The following ATAD3B variants were observed in gnomAD, a reference collection of about 807,000 sequenced individuals.
ATAD3B encodes the protein ATPase family AAA domain-containing protein 3B.
ATAD3B carries 59 observed loss-of-function variants against 70.2 expected under a neutral mutation model. The ratio of observed to expected loss-of-function variants is 0.84; its 90% CI spans 0.68 to 1.04. The LOEUF (loss-of-function observed/expected upper bound fraction) is 1.04. ATAD3B is among the 50% of genes least tolerant of loss of function. The probability of loss-of-function intolerance (pLI) is 0.00; values close to 1 mark genes in which losing one functional copy is unlikely to be tolerated. For synonymous variants in ATAD3B, 423 were observed against 388.6 expected (o/e 1.09, Z -1.04); for missense variants, 961 against 913.4 (o/e 1.05, Z -0.67).
intron 7 of ATAD3B, chr1:1,484,655 T>A (rs908547533): frequency 1.5e-5 from 4 of 258,718 alleles, no homozygotes; most frequent in African/African-American, 2.2e-5. Context: ...TTTGGGTTAG[T>A]CTTGTTTTCC....
downstream of ATAD3B, among the ~76,000 whole-genome samples, chr1:1,500,437 A>G (rs1400468192): frequency 1.3e-5 from 2 of 148,698 alleles, no homozygotes; most frequent in Non-Finnish European, 3.0e-5. Flanking sequence ...CTGTAGTCCC[A>G]GCTACTCAGG....
chr1:1,477,416 G>C, intron 2 of ATAD3B, 66 bp downstream of exon 2: 4 of 1,607,094 alleles, frequency 2.5e-6, no homozygotes, highest in Non-Finnish European at 2.5e-6. Flanking sequence ...GAGATTGGTG[G>C]GGCTGCTACT....
At chr1:1,472,752 G>T (rs1639395130) in intron 1 of ATAD3B, among the ~76,000 whole-genome samples, 1 of 152,042 alleles carries the variant, frequency 6.6e-6, no homozygotes, top group Non-Finnish European at 1.5e-5. Flanking sequence ...AGTTCAAATG[G>T]CTAGGAGTCT....
chr1:1,490,452 A>T (rs373706204), intron 14 of ATAD3B, 28 bp downstream of exon 14: 6 of 1,612,574 alleles, frequency 3.7e-6, no homozygotes, highest in Non-Finnish European at 5.1e-6. Context: ...CCCGGCCCCC[A>T]ATCCAGGCAC....
At chr1:1,483,048 A>G in intron 7 of ATAD3B, 1 of 455,624 alleles carries the variant, frequency 2.2e-6, no homozygotes, top group Non-Finnish European at 4.4e-6. Flanking sequence ...TAATCCCAGC[A>G]TTTTCGGAGG....
intron 12 of ATAD3B, 131 bp downstream of exon 12, chr1:1,488,045 C>T (rs1640330328): frequency 2.3e-6 from 3 of 1,321,514 alleles, no homozygotes; most frequent in Non-Finnish European, 3.2e-6. Flanking sequence ...ACCTCTGCCT[C>T]CTGGGTTCAA....
At chr1:1,501,782 G>A (rs746091177), downstream of ATAD3B, among the ~76,000 whole-genome samples, 5 of 152,280 alleles carry the variant, frequency 3.3e-5, no homozygotes, top group Non-Finnish European at 2.9e-5. Context: ...GTGTCATCCC[G>A]TAATGCACTA....
In ATAD3B at chr1:1,495,898, G is replaced by A; in HGVS notation, c.*81G>A. 1 of 1,466,486 alleles carries A rather than the reference G, an allele frequency of 6.8e-7. No homozygotes were observed. Among genetic ancestry groups the A allele is most frequent in the Non-Finnish European group, 9.0e-7 (1 of 1,114,134 alleles). 90.8% of individuals were successfully genotyped at this position (1,466,486 alleles called of 1,614,324 possible). ...ATGCATTTTCCGTCTGGCTCACAGG[G>A]GGAGGGTGAGGCTTTGTACCCCAGC... On this transcript the variant is annotated 3_prime_UTR_variant, in exon 16 of 16. Coordinates refer to ENST00000673477, the MANE Select transcript of ATAD3B (RefSeq NM_031921.6).
At chr1:1,474,167 G>C (rs1349957972) in intron 1 of ATAD3B, among the ~76,000 whole-genome samples, 1 of 151,410 alleles carries the variant, frequency 6.6e-6, no homozygotes, top group African/African-American at 2.4e-5. Context: ...CTGCAGGCTT[G>C]CTCGGTAATT....
the ATAD3B span, among the ~76,000 whole-genome samples, chr1:1,506,134 G>A: frequency 1.1e-4 from 17 of 152,128 alleles, no homozygotes; most frequent in South Asian, 2.1e-4. Flanking sequence ...CTGGGAGGCT[G>A]AGAGGCAGGA....
chr1:1,493,385 T>G (rs1640630299), intron 15 of ATAD3B, among the ~76,000 whole-genome samples: 2 of 151,998 alleles, frequency 1.3e-5, no homozygotes, highest in African/African-American at 2.4e-5. Context: ...ATCGCTGGCC[T>G]TCTTTGTGTT....
chr1:1,501,318 G>C (rs111905751), downstream of ATAD3B, among the ~76,000 whole-genome samples: 2 of 150,970 alleles, frequency 1.3e-5, no homozygotes, highest in Non-Finnish European at 2.9e-5. Context: ...GCAATGGCAC[G>C]ATCTCGGCTC....
chr1:1,508,320 G>A, the ATAD3B span, among the ~76,000 whole-genome samples: 1 of 151,334 alleles, frequency 6.6e-6, no homozygotes, highest in Admixed American at 6.6e-5. Context: ...GAGGGGACGG[G>A]CACCACGTGG....
rs1231674661 is a variant in ATAD3B, at chr1:1,480,083, A to C, written c.445-784A>C. Among the ~76,000 whole-genome samples the C allele has an allele frequency of 3.6e-4, 52 of 144,090 alleles. 5 individuals are homozygous for C. Among genetic ancestry groups the C allele is most frequent in the African/African-American group, 1.3e-3 (51 of 37,972 alleles). The allele number at this position is 144,090 out of a possible 152,430, so 94.5% of individuals were successfully genotyped here. A position where few individuals can be genotyped will look rare whatever the true frequency, so the allele number is the denominator to read the frequency against. On this transcript the variant is annotated intron_variant, in intron 4 of 15. Transcript: ENST00000673477. ...CACGCACACAGTCCCACACATGGGC[A>C]CACGCGCACACCGCCGCAAACACAC...
intron 1 of ATAD3B, among the ~76,000 whole-genome samples, chr1:1,473,134 CTTTTT>C (rs569834397): frequency 3.9e-4 from 33 of 84,376 alleles, no homozygotes; most frequent in Admixed American, 1.6e-4. Context: ...GAAGGGATTC[CTTTTT>C]TTTTTTTTTT....
downstream of ATAD3B, among the ~76,000 whole-genome samples, chr1:1,499,103 C>T (rs1316332476): frequency 6.6e-6 from 1 of 151,680 alleles, no homozygotes; most frequent in Non-Finnish European, 1.5e-5. Context: ...TCCTGAGTAG[C>T]TGGGACCACA....
Position 1,495,919 on chromosome 1 carries a change from C to G in ATAD3B, c.*102C>G. ...CAGGGGGAGGGTGAGGCTTTGTACC[C>G]CAGCCCCTGCCCAGGCCACTGTGAG... On this transcript the variant is annotated 3_prime_UTR_variant, in exon 16 of 16. Coordinates refer to ENST00000673477, the MANE Select transcript of ATAD3B (RefSeq NM_031921.6). 1 of 1,433,174 alleles carries G rather than the reference C, an allele frequency of 7.0e-7. No individual in the cohort carries two copies. The highest frequency in any genetic ancestry group is 1.5e-5 in the South Asian group (1 of 66,514). The allele number at this position is 1,433,174 out of a possible 1,614,324, so 88.8% of individuals were successfully genotyped here.
At chr1:1,483,747 G>C (rs548010615) in intron 7 of ATAD3B, 4 of 152,862 alleles carry the variant, frequency 2.6e-5, no homozygotes, top group African/African-American at 9.6e-5. Flanking sequence ...GTTGCAGTGA[G>C]CCAAGATGGC....
the ATAD3B span, among the ~76,000 whole-genome samples, chr1:1,506,011 G>C: frequency 1.3e-5 from 2 of 152,134 alleles, no homozygotes; most frequent in East Asian, 1.9e-4. Context: ...GGTGGGTGGA[G>C]CACCTGAGGT....
Sources: allele counts gnomAD v4.1 joint callset (sites outside exome capture counted in the v4.1 genomes callset), GRCh38; gene constraint gnomAD v4.1.1; transcripts MANE v1.5; gene names NCBI Gene and HGNC (gene_info 2026-07-23, HGNC 2026-07-21).